HSD17B4: variants seen among roughly 807,000 people sequenced by gnomAD.
The protein encoded by HSD17B4 is hydroxysteroid 17-beta dehydrogenase 4.
Under a neutral mutation model 101.0 loss-of-function variants are expected in HSD17B4, and 70 were observed. The ratio of observed to expected loss-of-function variants is 0.69; its 90% CI spans 0.57 to 0.85. The LOEUF is 0.85. HSD17B4 is among the 40% of genes least tolerant of loss of function. The probability of loss-of-function intolerance (pLI) is 0.00; values close to 1 mark genes in which losing one functional copy is unlikely to be tolerated. For synonymous variants in HSD17B4, 347 were observed against 297.1 expected (o/e 1.17, Z -1.73); for missense variants, 984 against 892.4 (o/e 1.10, Z -1.31).
chr5:119,453,283 G>A (rs2126594770), intron 1 of HSD17B4, among the ~76,000 whole-genome samples: 1 of 152,340 alleles, frequency 6.6e-6, no homozygotes, highest in African/African-American at 2.4e-5. Context: ...GATGGAGAAA[G>A]AAAATGGGAG....
intron 1 of HSD17B4, among the ~76,000 whole-genome samples, chr5:119,453,026 G>T (rs900238411): frequency 1.2e-4 from 18 of 152,226 alleles, no homozygotes; most frequent in Non-Finnish European, 1.5e-5. Flanking sequence ...CGCGAGGGGC[G>T]GGGGCTGGAA....
chr5:119,471,279 A>G (rs923014511), intron 2 of HSD17B4, among the ~76,000 whole-genome samples: 12 of 152,188 alleles, frequency 7.9e-5, no homozygotes, highest in African/African-American at 2.9e-4. Context: ...GAGGGATAAT[A>G]CAAGCCTCTT....
At chr5:119,503,367 A>AT (rs559745422) in intron 14 of HSD17B4, among the ~76,000 whole-genome samples, 91 of 151,254 alleles carry the variant, frequency 6.0e-4, no homozygotes, top group Non-Finnish European at 1.0e-3. Flanking sequence ...TAACTTTTTC[A>AT]TTTTTTTTTA....
intron 7 of HSD17B4, chr5:119,478,276 T>C (rs987451153): frequency 3.2e-5 from 5 of 154,842 alleles, no homozygotes; most frequent in African/African-American, 1.2e-4. Flanking sequence ...AGGTCATTCC[T>C]GTTAATTTAG....
chr5:119,515,774 T>C (rs1752556488), intron 17 of HSD17B4, among the ~76,000 whole-genome samples: 1 of 152,188 alleles, frequency 6.6e-6, no homozygotes, highest in Non-Finnish European at 1.5e-5. Context: ...TGTGTGTGCA[T>C]GTAATAACAG....
intron 9 of HSD17B4, among the ~76,000 whole-genome samples, chr5:119,491,405 T>C (rs1316506636): frequency 1.3e-5 from 2 of 151,854 alleles, no homozygotes; most frequent in African/African-American, 4.8e-5. Context: ...TTGGGTACAC[T>C]GTAGTTGTGG....
At position 119,531,365 on chromosome 5, in the gene HSD17B4, T is replaced by G. The variant is rs1255926114; in HGVS notation, c.1954T>G (p.Trp652Gly). The G allele has an allele frequency of 2.1e-5, 34 of 1,613,444 alleles. No homozygotes were observed. Among genetic ancestry groups the G allele is most frequent in the Non-Finnish European group, 2.8e-5 (33 of 1,179,644 alleles). The change falls in exon 22 of 24, where the codon TGG (tryptophan) becomes GGG (glycine). Residue 652 changes from tryptophan to glycine, a missense_variant. By Grantham distance (184) the Trp-to-Gly change is radical. Coordinates refer to ENST00000510025, the MANE Select transcript of HSD17B4 (RefSeq NM_000414.4). ...GAAGAAAGTAAATGCTGTATTTGAG[T>G]GGCATATAACCAAAGGCGGAAATAT... ...VVKKVNAVFE[W>G]HITKGGNIGA...
At chr5:119,537,369 T>C (rs1444297501) in intron 23 of HSD17B4, among the ~76,000 whole-genome samples, 1 of 152,146 alleles carries the variant, frequency 6.6e-6, no homozygotes, top group Non-Finnish European at 1.5e-5. Flanking sequence ...TTCTCATTTG[T>C]AAAATGAGTT....
At chr5:119,500,309 T>TAG (rs200860768) in intron 13 of HSD17B4, among the ~76,000 whole-genome samples, 55 of 151,638 alleles carry the variant, frequency 3.6e-4, no homozygotes, top group East Asian at 2.3e-3. Context: ...TATATATATA[T>TAG]AGAGAGAGAG....
intron 12 of HSD17B4, among the ~76,000 whole-genome samples, chr5:119,497,299 AG>A (rs1750737275): frequency 6.6e-6 from 1 of 152,206 alleles, no homozygotes; most frequent in Admixed American, 6.5e-5. Context: ...AAATTGACTC[AG>A]GGAGGTACTG....
chr5:119,520,332 G>C (rs537209785), intron 17 of HSD17B4, among the ~76,000 whole-genome samples: 25 of 152,102 alleles, frequency 1.6e-4, no homozygotes, highest in African/African-American at 5.8e-4. Flanking sequence ...GGGGTGCTTC[G>C]AATCTTCCCT....
At chr5:119,462,822 G>A (rs1039266085) in intron 2 of HSD17B4, among the ~76,000 whole-genome samples, 11 of 151,990 alleles carry the variant, frequency 7.2e-5, no homozygotes, top group African/African-American at 2.4e-4. Flanking sequence ...CATATCCATC[G>A]CCTCAAACAT....
chr5:119,532,250 C>T (rs1165402712), intron 22 of HSD17B4, among the ~76,000 whole-genome samples: 1 of 152,032 alleles, frequency 6.6e-6, no homozygotes, highest in Non-Finnish European at 1.5e-5. Context: ...TCAGCAGAGT[C>T]TGTTGCTTGT....
chr5:119,527,172 C>G lies in HSD17B4; in HGVS notation c.1720C>G (p.Gln574Glu), dbSNP rs1375792756. 3 of 1,610,142 alleles carry G rather than the reference C, an allele frequency of 1.9e-6. No individual in the cohort carries two copies. The Admixed American group carries it at 5.0e-5, about 27-fold the overall frequency. Residue 574 changes from glutamine (Q) to glutamate (E), a missense_variant, in exon 20 of 24, where the codon CAA becomes GAA. Transcript: ENST00000510025. Reference sequence around the variant, plus strand: ...ACCAGTATATCCAGGACAAACTCTACAAACTGAGATGTGGAAGGAAGGAAA... The same window carrying G: ...ACCAGTATATCCAGGACAAACTCTAGAAACTGAGATGTGGAAGGAAGGAAA... ...AKPVYPGQTLQTEMWKEGNRI... is the reference protein window; with the variant it reads ...AKPVYPGQTLETEMWKEGNRI...
At chr5:119,503,764 A>G (rs545319617) in intron 14 of HSD17B4, among the ~76,000 whole-genome samples, 14 of 150,406 alleles carry the variant, frequency 9.3e-5, no homozygotes, top group Admixed American at 3.3e-4. Flanking sequence ...TTGGTTTTAT[A>G]TAAACTTTAT....
In HSD17B4 at chr5:119,452,591, A is replaced by T; in HGVS notation, c.16A>T (p.Arg6Trp). 1 of 1,613,850 alleles carries T rather than the reference A, an allele frequency of 6.2e-7. No homozygotes were observed. The highest frequency in any genetic ancestry group is 8.5e-7 in the Non-Finnish European group (1 of 1,179,966). The change falls in exon 1 of 24, where the codon AGG (arginine) becomes TGG (tryptophan). Residue 6 changes from arginine to tryptophan, a missense_variant. Coordinates refer to ENST00000510025, the MANE Select transcript of HSD17B4 (RefSeq NM_000414.4). ...GGCCTTATTCATGGGCTCACCGCTG[A>T]GGTTCGACGGGCGGGTGGTACTGGT... MGSPL[R>W]FDGRVVLVTG...
At chr5:119,485,870 A>G (rs1749571652) in intron 8 of HSD17B4, among the ~76,000 whole-genome samples, 1 of 152,198 alleles carries the variant, frequency 6.6e-6, no homozygotes. Flanking sequence ...GTGGATTAAA[A>G]CAGCAAACAT....
At chr5:119,458,428 C>T (rs1047935366) in intron 2 of HSD17B4, among the ~76,000 whole-genome samples, 3 of 150,894 alleles carry the variant, frequency 2.0e-5, no homozygotes, top group African/African-American at 7.3e-5. Context: ...ACTGCAACGT[C>T]TGCCTCCGGG....
chr5:119,503,319 A>T (rs1464215189), intron 14 of HSD17B4, among the ~76,000 whole-genome samples: 1 of 152,164 alleles, frequency 6.6e-6, no homozygotes, highest in African/African-American at 2.4e-5. Flanking sequence ...CAGAGTGATG[A>T]TAACTGAACA....
Sources: allele counts gnomAD v4.1 joint callset (sites outside exome capture counted in the v4.1 genomes callset), GRCh38; gene constraint gnomAD v4.1.1; transcripts MANE v1.5; gene names NCBI Gene and HGNC (gene_info 2026-07-23, HGNC 2026-07-21).